RAB8B: variants seen among roughly 807,000 people sequenced by gnomAD.
RAB8B encodes the protein ras-related protein Rab-8B.
RAB8B carries 11 observed loss-of-function variants against 32.0 expected under a neutral mutation model. The ratio of observed to expected loss-of-function variants is 0.34; its 90% confidence interval spans 0.22 to 0.57. The LOEUF is 0.57. RAB8B is among the 20% of genes least tolerant of loss of function. The probability of loss-of-function intolerance (pLI) is 0.86; values close to 1 mark genes in which losing one functional copy is unlikely to be tolerated. For synonymous variants in RAB8B, 103 were observed against 89.6 expected (o/e 1.15, Z -0.85); for missense variants, 190 against 258.5 (o/e 0.73, Z 1.82).
rs552534438 is a variant in RAB8B, at chr15:63,248,977, T to A, written c.186-668T>A. ...AAATGAAATCAGAAACTCTTATATTTTTCAGAATGCATTTTAATGGTATGC... is the reference window on the plus strand; with the variant it reads ...AAATGAAATCAGAAACTCTTATATTATTCAGAATGCATTTTAATGGTATGC... On this transcript the variant is annotated intron_variant, in intron 2 of 7. Transcript: ENST00000321437. The surrounding 1 kb of genome is among the most constrained non-coding windows in gnomAD (Gnocchi z 4.4). 2.6e-5 allele frequency among the ~76,000 whole-genome samples: 4 copies of A among 152,350 alleles called. No individual in the cohort carries two copies. In the East Asian group the frequency reaches 7.7e-4, roughly 29 times the overall value.
intron 1 of RAB8B, among the ~76,000 whole-genome samples, chr15:63,192,123 G>A (rs922247132): frequency 1.3e-5 from 2 of 152,182 alleles, no homozygotes; most frequent in Non-Finnish European, 1.5e-5. Context: ...TGACGTGGAG[G>A]AGGGGAAATC....
intron 1 of RAB8B, among the ~76,000 whole-genome samples, chr15:63,192,117 G>C (rs1020154226): frequency 6.6e-6 from 1 of 152,198 alleles, no homozygotes; most frequent in Non-Finnish European, 1.5e-5. Context: ...TTCAGTTGAC[G>C]TGGAGGAGGG....
At chr15:63,233,458 A>T (rs2037952726) in intron 1 of RAB8B, among the ~76,000 whole-genome samples, 1 of 152,006 alleles carries the variant, frequency 6.6e-6, no homozygotes, top group Non-Finnish European at 1.5e-5. Flanking sequence ...TCAGTTTATG[A>T]CTCATTTTTT....
chr15:63,210,840 A>G (rs1439869419), intron 1 of RAB8B, among the ~76,000 whole-genome samples: 1 of 152,230 alleles, frequency 6.6e-6, no homozygotes, highest in East Asian at 1.9e-4. Flanking sequence ...CAAATAAAAG[A>G]TGAGAAATGT....
chr15:63,192,809 A>G (rs944314252), intron 1 of RAB8B, among the ~76,000 whole-genome samples: 16 of 152,140 alleles, frequency 1.1e-4, no homozygotes, highest in African/African-American at 3.9e-4. Context: ...AGGTCTTGCT[A>G]TTGGCTGGGT....
chr15:63,206,234 A>G (rs896797078), intron 1 of RAB8B, among the ~76,000 whole-genome samples: 8 of 152,120 alleles, frequency 5.3e-5, no homozygotes, highest in Non-Finnish European at 1.0e-4. Flanking sequence ...CAGAGTATTT[A>G]TCTATAGTAA....
chr15:63,197,436 C>G lies in RAB8B; in HGVS notation c.124+7688C>G, dbSNP rs1253064635. On this transcript the variant is annotated intron_variant, in intron 1 of 7. Transcript: ENST00000321437. The stretch of plus-strand genomic sequence containing the variant: ...TCGCCCAGGCTGGAATGTGTTGGTG[C>G]AATCTCGGCTTGCTGCAACCTCCGC... 4.0e-5 allele frequency among the ~76,000 whole-genome samples: 5 copies of G among 125,256 alleles called. No homozygotes were observed. In the South Asian group the frequency reaches 1.3e-3, roughly 33 times the overall value. The allele number at this position is 125,256 out of a possible 152,430, so 82.2% of individuals were successfully genotyped here.
intron 1 of RAB8B, among the ~76,000 whole-genome samples, chr15:63,227,857 C>G (rs1446646509): frequency 6.6e-6 from 1 of 152,212 alleles, no homozygotes; most frequent in Non-Finnish European, 1.5e-5. Flanking sequence ...CTTTTAAAAT[C>G]CAGTGAGCAC....
At chr15:63,207,725 A>G (rs1344338582) in intron 1 of RAB8B, among the ~76,000 whole-genome samples, 1 of 151,760 alleles carries the variant, frequency 6.6e-6, no homozygotes, top group Non-Finnish European at 1.5e-5. Context: ...ACACCCGGCA[A>G]ATTTTCTTTT....
chr15:63,232,384 G>A (rs1306728843), intron 1 of RAB8B, among the ~76,000 whole-genome samples: 1 of 152,138 alleles, frequency 6.6e-6, no homozygotes, highest in African/African-American at 2.4e-5. Flanking sequence ...TATAATGCAT[G>A]TTTATGGCTC....
chr15:63,189,877 A>G, intron 1 of RAB8B, 129 bp downstream of exon 1: 1 of 1,182,764 alleles, frequency 8.5e-7, no homozygotes, highest in South Asian at 1.6e-5. Flanking sequence ...TGGCGGGGGC[A>G]CTGAGAGGGG....
chr15:63,193,765 C>T (rs997904830), intron 1 of RAB8B, among the ~76,000 whole-genome samples: 3 of 151,788 alleles, frequency 2.0e-5, no homozygotes, highest in Non-Finnish European at 2.9e-5. Flanking sequence ...GAGCTGAGAT[C>T]GCGCCACTGC....
In RAB8B at chr15:63,263,978, G is replaced by A. The variant is rs756776296; in HGVS notation, c.*359G>A. 7 of 174,246 alleles carry A rather than the reference G, an allele frequency of 4.0e-5. No homozygotes were observed. Among genetic ancestry groups the A allele is most frequent in the Non-Finnish European group, 7.4e-5 (6 of 81,034 alleles). The allele number at this position is 174,246 out of a possible 1,614,324, so 10.8% of individuals were successfully genotyped here. Reference sequence around the variant, plus strand: ...ACTCATATTTGCACACTTTTGTGTCGTGAAGTTCTAGACAAATTTGTACAT... The same window carrying A: ...ACTCATATTTGCACACTTTTGTGTCATGAAGTTCTAGACAAATTTGTACAT... On this transcript the variant is annotated 3_prime_UTR_variant, in exon 8 of 8. Transcript: ENST00000321437.
Position 63,189,717 on chromosome 15 carries a change from C to A in RAB8B, c.93C>A (p.Asp31Glu). ...KTCLLFRFSEDAFNTTFISTI... is the reference protein window; with the variant it reads ...KTCLLFRFSEEAFNTTFISTI... The stretch of plus-strand genomic sequence containing the variant: ...GCCTCCTGTTCCGCTTCTCAGAGGA[C>A]GCCTTCAACACCACCTTCATCTCCA... Residue 31 changes from aspartate (D) to glutamate (E), a missense_variant, in exon 1 of 8, where the codon GAC (aspartate) becomes GAA (glutamate). Physicochemically the swap from Asp to Glu is conservative, Grantham distance 45. This residue lies in a region of RAB8B where 80 missense variants were observed against 142.6 expected (regional missense o/e 0.56). Coordinates refer to ENST00000321437, the MANE Select transcript of RAB8B (RefSeq NM_016530.3). The A allele has an allele frequency of 1.2e-6, 2 of 1,613,242 alleles. No individual in the cohort carries two copies. The highest frequency in any genetic ancestry group is 1.7e-6 in the Non-Finnish European group (2 of 1,179,676).
rs1230425655 is a variant in RAB8B at position 63,259,797 on chromosome 15, CT to C, written c.480+109del. ...TGGTATTTTCTGACCTAATGAATGC[CT>C]TTTGTTGACCCAACTCTACTTTGTA... On this transcript the variant is annotated intron_variant, in intron 6 of 7. Coordinates refer to ENST00000321437, the MANE Select transcript of RAB8B (RefSeq NM_016530.3). The surrounding 1 kb of genome is among the most constrained non-coding windows in gnomAD (Gnocchi z 4.4). 13 of 982,188 alleles carry C rather than the reference CT, an allele frequency of 1.3e-5. No homozygotes were observed. Among genetic ancestry groups the C allele is most frequent in the Non-Finnish European group, 1.9e-5 (12 of 646,052 alleles). The allele number at this position is 982,188 out of a possible 1,614,324, so 60.8% of individuals were successfully genotyped here.
chr15:63,259,997 G>T lies in RAB8B; in HGVS notation c.480+305G>T, dbSNP rs2038190292. 1.3e-5 allele frequency among the ~76,000 whole-genome samples: 2 copies of T among 152,106 alleles called. No homozygotes were observed. The highest frequency in any genetic ancestry group is 6.5e-5 in the Admixed American group (1 of 15,268). On this transcript the variant is annotated intron_variant, in intron 6 of 7. Transcript: ENST00000321437. The surrounding 1 kb of genome is among the most constrained non-coding windows in gnomAD (Gnocchi z 4.4). ...CTATAGGTGTGCATCACCACGCCCA[G>T]CTAATTTTTGTATTTTTAGTAGAAA...
intron 1 of RAB8B, among the ~76,000 whole-genome samples, chr15:63,197,368 TTC>T: frequency 2.2e-5 from 3 of 137,056 alleles, no homozygotes; most frequent in East Asian, 2.4e-4. Context: ...TTTCTTTCTT[TTC>T]TTTTTTTTTT....
intron 1 of RAB8B, among the ~76,000 whole-genome samples, chr15:63,216,859 C>CAAAA (rs36022071): frequency 1.7e-5 from 1 of 59,392 alleles, no homozygotes; most frequent in Non-Finnish European, 3.6e-5. Context: ...GACTCTGTCT[C>CAAAA]AAAAAAAAAA....
intron 1 of RAB8B, among the ~76,000 whole-genome samples, chr15:63,196,989 T>C (rs1356464454): frequency 6.6e-6 from 1 of 152,198 alleles, no homozygotes; most frequent in African/African-American, 2.4e-5. Context: ...GCCCATTAGC[T>C]TCAAACAATG....
Sources: gnomAD v4.1 joint callset for allele counts (sites outside exome capture counted in the v4.1 genomes callset) on GRCh38, gnomAD v4.1.1 for gene constraint, gnomAD v4.1.1 regional missense constraint, Gnocchi (gnomAD v3.1) non-coding constraint, MANE v1.5 for transcripts, NCBI Gene and HGNC (gene_info 2026-07-23, HGNC 2026-07-21) for gene names.